LGI1: variants seen among roughly 807,000 people sequenced by gnomAD.
LGI1 encodes leucine-rich glioma-inactivated protein 1.
In LGI1, 11 loss-of-function variants were observed where a neutral mutation model predicts 57.7. The ratio of observed to expected loss-of-function variants is 0.19; its 90% CI spans 0.12 to 0.32. The LOEUF (loss-of-function observed/expected upper bound fraction) is 0.32, where lower values mean the gene tolerates loss of function less well. Among genes scored for constraint, LGI1 ranks in the 10% least tolerant of loss-of-function variants. The probability of loss-of-function intolerance (pLI) is 1.00; values close to 1 mark genes in which losing one functional copy is unlikely to be tolerated. For synonymous variants in LGI1, 222 were observed against 241.9 expected, an observed-to-expected ratio of 0.92 and a Z score of 0.76; for missense variants, 422 against 661.9, an observed-to-expected ratio of 0.64 and a Z score of 3.98.
chr10:93,795,111 A>T (rs1033633318), intron 7 of LGI1, among the ~76,000 whole-genome samples: 3 of 152,200 alleles, frequency 2.0e-5, no homozygotes, highest in African/African-American at 2.4e-5. Flanking sequence ...TGTATGGTTC[A>T]TCAATTTCTT....
chr10:93,771,975 C>CAAAAAAA (rs34346449), intron 2 of LGI1: 215 of 123,386 alleles, frequency 1.7e-3, no homozygotes, highest in African/African-American at 5.5e-3. Context: ...AACTTTGTTT[C>CAAAAAAA]AAAAAAAAAA....
At chr10:93,765,914 G>A (rs1589752899) in intron 2 of LGI1, among the ~76,000 whole-genome samples, 2 of 148,480 alleles carry the variant, frequency 1.3e-5, no homozygotes, top group East Asian at 4.0e-4. Context: ...AGCTTGCAGT[G>A]AGCCGAGATC....
intron 2 of LGI1, chr10:93,759,110 A>G (rs1303973487): frequency 1.5e-5 from 7 of 454,382 alleles, no homozygotes; most frequent in Non-Finnish European, 2.8e-5. Context: ...ATTCCATTCC[A>G]CTATTTTACT....
Position 93,777,444 on chromosome 10 carries a change from A to G in LGI1, c.353A>G (p.Glu118Gly). 1 of 1,613,850 alleles carries G rather than the reference A, an allele frequency of 6.2e-7. No individual in the cohort carries two copies. The highest frequency in any genetic ancestry group is 8.5e-7 in the Non-Finnish European group (1 of 1,179,736). The change falls in exon 3 of 8, where the codon GAG (glutamate) becomes GGG (glycine). Residue 118 changes from glutamate (E) to glycine (G), a missense_variant. This residue lies in a region of LGI1 where 63 missense variants were observed against 138.4 expected (regional missense o/e 0.46). Coordinates refer to ENST00000371418, the MANE Select transcript of LGI1 (RefSeq NM_005097.4). ...DDAFIGLPHL[E>G]YLFIENNNIK... ...GCTTTTATTGGTCTTCCACATCTAGAGTATTTGTAAGTAAAAAAGCTTTTT... is the reference window on the plus strand; with the variant it reads ...GCTTTTATTGGTCTTCCACATCTAGGGTATTTGTAAGTAAAAAAGCTTTTT...
intron 7 of LGI1, among the ~76,000 whole-genome samples, chr10:93,795,511 C>T (rs756845242): frequency 3.9e-4 from 59 of 152,214 alleles, no homozygotes; most frequent in Non-Finnish European, 7.6e-4. Flanking sequence ...AGACACCCCA[C>T]TTCTTAATAC....
intron 5 of LGI1, chr10:93,792,437 A>C: frequency 3.2e-6 from 1 of 309,740 alleles, no homozygotes; most frequent in South Asian, 6.9e-5. Flanking sequence ...TGGCTATAGA[A>C]AATTTTAAAT....
At position 93,758,521 on chromosome 10, in the gene LGI1, AT is replaced by A. The variant is rs1015647136; in HGVS notation, c.215+169del. On this transcript the variant is annotated intron_variant, in intron 1 of 7. Transcript: ENST00000371418. The surrounding 1 kb of genome is among the most constrained non-coding windows in gnomAD (Gnocchi z 4.7). Reference sequence around the variant, plus strand: ...ACATTTGCTGCATTTAGAATTTTTGATTTTTTTAGCTGCTACTGAACATGCT... The same window carrying A: ...ACATTTGCTGCATTTAGAATTTTTGATTTTTTAGCTGCTACTGAACATGCT... 4.9e-6 allele frequency: 4 copies of A among 814,744 alleles called. No individual in the cohort carries two copies. The highest frequency in any genetic ancestry group is 8.0e-6 in the Non-Finnish European group (4 of 498,898). 50.5% of individuals were successfully genotyped at this position (814,744 alleles called of 1,614,324 possible). A position where few individuals can be genotyped will look rare whatever the true frequency, so the allele number is the denominator to read the frequency against.
At chr10:93,770,857 C>T (rs2059729753) in intron 2 of LGI1, 1 of 151,958 alleles carries the variant, frequency 6.6e-6, no homozygotes, top group Non-Finnish European at 1.5e-5. Context: ...ATCAAATACG[C>T]AATTTTAAAA....
intron 2 of LGI1, among the ~76,000 whole-genome samples, chr10:93,774,107 G>A (rs751169132): frequency 2.6e-5 from 4 of 152,104 alleles, no homozygotes; most frequent in African/African-American, 4.8e-5. Context: ...CCACACCAAC[G>A]GCTCCAGGCA....
At chr10:93,792,958 C>T (rs2059949103) in intron 6 of LGI1, 46 bp downstream of exon 6, 6 of 1,566,940 alleles carry the variant, frequency 3.8e-6, no homozygotes, top group Non-Finnish European at 5.3e-6. Flanking sequence ...AAAATAAGGG[C>T]TACCTTTTTT....
intron 4 of LGI1, among the ~76,000 whole-genome samples, chr10:93,788,141 T>C (rs2059905506): frequency 6.6e-6 from 1 of 152,204 alleles, no homozygotes; most frequent in African/African-American, 2.4e-5. Flanking sequence ...TTAAGCCACA[T>C]TGTGCCAGAA....
At chr10:93,760,521 C>G (rs1203366405) in intron 2 of LGI1, among the ~76,000 whole-genome samples, 1 of 152,190 alleles carries the variant, frequency 6.6e-6, no homozygotes, top group African/African-American at 2.4e-5. Flanking sequence ...ATAGATCAGT[C>G]CTTAAAATTC....
At position 93,758,830 on chromosome 10, in the gene LGI1, T is replaced by G; in HGVS notation, c.286T>G (p.Leu96Val). The G allele has an allele frequency of 6.2e-7, 1 of 1,602,402 alleles. No individual in the cohort carries two copies. The highest frequency in any genetic ancestry group is 8.5e-7 in the Non-Finnish European group (1 of 1,169,630). ...TTTATTCACGCCATCGCTGCAGCTC[T>G]TGTGAGAAATATTTATATCATGACT... ...SFLFTPSLQL[L>V]LFTSNSFDVI... The change falls in exon 2 of 8, where the codon TTG (leucine) becomes GTG (valine). Residue 96 changes from leucine (L) to valine (V), a missense_variant and splice_region_variant. Transcript: ENST00000371418. The surrounding 1 kb of genome is among the most constrained non-coding windows in gnomAD (Gnocchi z 4.7).
At chr10:93,774,163 G>A (rs1303033971) in intron 2 of LGI1, among the ~76,000 whole-genome samples, 1 of 152,136 alleles carries the variant, frequency 6.6e-6, no homozygotes. Flanking sequence ...ACAGGTAAAG[G>A]GGACAGTGTT....
chr10:93,792,550 A>G (rs763719396), intron 5 of LGI1, 193 bp from the exon 6 acceptor site: 2 of 646,572 alleles, frequency 3.1e-6, no homozygotes, highest in Non-Finnish European at 5.6e-6. Flanking sequence ...TTGACTGGGT[A>G]GTCTTCAAGT....
intron 2 of LGI1, chr10:93,775,918 A>G (rs1034263736): frequency 6.6e-6 from 1 of 152,216 alleles, no homozygotes; most frequent in Non-Finnish European, 1.5e-5. Context: ...GAATGCAATG[A>G]AAGTCTGGAA....
At chr10:93,762,810 T>C (rs2059637234) in intron 2 of LGI1, 1 of 152,238 alleles carries the variant, frequency 6.6e-6, no homozygotes, top group African/African-American at 2.4e-5. Flanking sequence ...CGAGGGTCCA[T>C]GTACAGGTTT....
chr10:93,779,775 C>T (rs1016726610), intron 4 of LGI1, among the ~76,000 whole-genome samples: 1 of 152,150 alleles, frequency 6.6e-6, no homozygotes, highest in Admixed American at 6.5e-5. Flanking sequence ...CCAAGGGCAG[C>T]CTTCAAAGAG....
chr10:93,758,420 T>TG lies in LGI1; in HGVS notation c.215+65dup, dbSNP rs762010340. On this transcript the variant is annotated intron_variant, in intron 1 of 7. Transcript: ENST00000371418. The surrounding 1 kb of genome is among the most constrained non-coding windows in gnomAD (Gnocchi z 4.7). ...ATTTAAAAATTCCAGCCGGTGGATT[T>TG]GGGGCTTTGCATGTATTTGTAGAAG... 1.3e-6 allele frequency: 2 copies of TG among 1,512,650 alleles called. No homozygotes were observed. The highest frequency in any genetic ancestry group is 9.2e-7 in the Non-Finnish European group (1 of 1,090,812). The allele number at this position is 1,512,650 out of a possible 1,614,324, so 93.7% of individuals were successfully genotyped here.
Sources: gnomAD v4.1 joint callset for allele counts (sites outside exome capture counted in the v4.1 genomes callset) on GRCh38, gnomAD v4.1.1 for gene constraint, gnomAD v4.1.1 regional missense constraint, Gnocchi (gnomAD v3.1) non-coding constraint, MANE v1.5 for transcripts, NCBI Gene and HGNC (gene_info 2026-07-23, HGNC 2026-07-21) for gene names.